The following MSH3 variants were observed in gnomAD, a reference collection of about 807,000 sequenced individuals.
MSH3 encodes the protein mutS homolog 3, also known as DNA mismatch repair protein Msh3.
A neutral mutation model predicts 123.3 loss-of-function variants in MSH3; 106 were observed. The observed-to-expected ratio is 0.86, with a 90% confidence interval of 0.73 to 1.01. MSH3 has a LOEUF of 1.01. Ranked by LOEUF, MSH3 falls within the 50% of genes least tolerant of loss-of-function variation. MSH3 has a pLI of 0.00. For synonymous variants in MSH3, 515 were observed against 481.4 expected (o/e 1.07, Z -0.91); for missense variants, 1,459 against 1,347.6 (o/e 1.08, Z -1.29).
chr5:80,788,513 A>G (rs567764558), intron 18 of MSH3, among the ~76,000 whole-genome samples: 18 of 152,066 alleles, frequency 1.2e-4, no homozygotes, highest in African/African-American at 4.3e-4. Flanking sequence ...TTTTATATAT[A>G]CTTAAGAAAA....
intron 20 of MSH3, among the ~76,000 whole-genome samples, chr5:80,831,464 A>G (rs535497736): frequency 1.3e-5 from 2 of 152,124 alleles, no homozygotes; most frequent in Non-Finnish European, 2.9e-5. Flanking sequence ...GTTATTGTTT[A>G]TGTTTAATTA....
intron 20 of MSH3, among the ~76,000 whole-genome samples, chr5:80,832,819 C>A (rs1745443047): frequency 6.6e-6 from 1 of 151,868 alleles, no homozygotes; most frequent in Non-Finnish European, 1.5e-5. Context: ...CTCTACTTAA[C>A]AATTTTAATA....
Position 80,792,856 on chromosome 5 carries a change from A to T in MSH3, c.2655+12A>T. 6.6e-7 allele frequency: 1 copy of T among 1,519,640 alleles called. No homozygotes were observed. The highest frequency in any genetic ancestry group is 9.1e-7 in the Non-Finnish European group (1 of 1,095,056). 94.1% of individuals were successfully genotyped at this position (1,519,640 alleles called of 1,614,324 possible). A position where few individuals can be genotyped will look rare whatever the true frequency, so the allele number is the denominator to read the frequency against. Reference sequence around the variant, plus strand: ...ATACAGATTTATCAGTAAGTACCTTATGCCAAAAAATAAGTCGATGATAAC... The same window carrying T: ...ATACAGATTTATCAGTAAGTACCTTTTGCCAAAAAATAAGTCGATGATAAC... On this transcript the variant is annotated intron_variant, in intron 19 of 23. Transcript: ENST00000265081.
intron 8 of MSH3, among the ~76,000 whole-genome samples, chr5:80,702,953 A>G (rs1750645431): frequency 6.6e-6 from 1 of 152,166 alleles, no homozygotes. Flanking sequence ...CTGAGGTGGC[A>G]GTGAGCCGAG....
intron 3 of MSH3, 134 bp from the exon 4 acceptor site, chr5:80,669,963 T>C: frequency 1.2e-6 from 1 of 810,336 alleles, no homozygotes; most frequent in Non-Finnish European, 2.0e-6. Context: ...GCCGGAATGC[T>C]ACAATGTGCT....
At chr5:80,808,061 T>C (rs245392) in intron 19 of MSH3, among the ~76,000 whole-genome samples, 37,492 of 152,150 alleles carry the variant, frequency 0.25, 4,896 homozygotes, top group Non-Finnish European at 0.29. Context: ...AAAGGGTTTT[T>C]ACATCTTTTA....
intron 8 of MSH3, among the ~76,000 whole-genome samples, chr5:80,721,832 A>ATACATTTAT (rs1194086946): frequency 9.2e-5 from 14 of 152,184 alleles, no homozygotes; most frequent in African/African-American, 3.1e-4. Context: ...TGATAAAATG[A>ATACATTTAT]TACATTTATT....
At chr5:80,869,025 C>T (rs1746153462) in intron 22 of MSH3, among the ~76,000 whole-genome samples, 1 of 152,068 alleles carries the variant, frequency 6.6e-6, no homozygotes, top group African/African-American at 2.4e-5. Context: ...TGGATGGCTT[C>T]TATAATACTC....
At chr5:80,862,080 G>A (rs1212164605) in intron 21 of MSH3, among the ~76,000 whole-genome samples, 1 of 152,036 alleles carries the variant, frequency 6.6e-6, no homozygotes, top group East Asian at 1.9e-4. Context: ...GAGCAATAAG[G>A]GAGGTCATGT....
Position 80,705,901 on chromosome 5 carries a change from A to C in MSH3, c.1341-19552A>C, listed in dbSNP as rs146079428. ...CTGCAAAGACCCTATCTTCAAATAA[A>C]GTCACATTATATACTGAGGGTGTGG... is the stretch of plus-strand genomic sequence containing the variant. On this transcript the variant is annotated intron_variant, in intron 8 of 23. Transcript: ENST00000265081. Among the ~76,000 whole-genome samples the C allele has an allele frequency of 3.3e-3, 498 of 152,322 alleles. 5 individuals are homozygous for C. Among genetic ancestry groups the C allele is most frequent in the African/African-American group, 0.011 (478 of 41,578 alleles).
chr5:80,800,271 T>G lies in MSH3; in HGVS notation c.2655+7427T>G, dbSNP rs570801405. ...CATTAATTAATTCATTCATCCCCCT[T>G]TAGTTTCTTGAGAACTTGCTCTGTG... On this transcript the variant is annotated intron_variant, in intron 19 of 23. Transcript: ENST00000265081. Among the ~76,000 whole-genome samples, 222 of 152,342 alleles carry G rather than the reference T, an allele frequency of 1.5e-3. 1 individual carries two copies. The highest frequency in any genetic ancestry group is 5.2e-3 in the African/African-American group (216 of 41,584).
At chr5:80,723,683 G>T (rs1751135131) in intron 8 of MSH3, among the ~76,000 whole-genome samples, 1 of 152,110 alleles carries the variant, frequency 6.6e-6, no homozygotes, top group Admixed American at 6.5e-5. Context: ...TGAAAAGCAT[G>T]AAATGATACA....
chr5:80,739,773 G>T (rs769501774), intron 10 of MSH3, among the ~76,000 whole-genome samples: 9 of 152,206 alleles, frequency 5.9e-5, no homozygotes, highest in Non-Finnish European at 1.0e-4. Context: ...TTCCTAATTT[G>T]AGGTAAAGTA....
intron 18 of MSH3, among the ~76,000 whole-genome samples, chr5:80,790,181 T>C (rs1349925216): frequency 6.6e-6 from 1 of 152,202 alleles, no homozygotes; most frequent in East Asian, 1.9e-4. Flanking sequence ...TATAGGATTG[T>C]TCATTGCATC....
At chr5:80,695,530 C>T (rs1051351977) in intron 8 of MSH3, among the ~76,000 whole-genome samples, 2 of 152,046 alleles carry the variant, frequency 1.3e-5, no homozygotes, top group Non-Finnish European at 2.9e-5. Context: ...GATGGGGTTT[C>T]GCCATGTTGG....
At chr5:80,839,903 T>A (rs1161146376) in intron 20 of MSH3, among the ~76,000 whole-genome samples, 2 of 152,126 alleles carry the variant, frequency 1.3e-5, no homozygotes, top group African/African-American at 2.4e-5. Context: ...CCAGCCCTAC[T>A]CACTAGAGGC....
At position 80,802,863 on chromosome 5, in the gene MSH3, T is replaced by G. The variant is rs566282712; in HGVS notation, c.2655+10019T>G. On this transcript the variant is annotated intron_variant, in intron 19 of 23. Transcript: ENST00000265081. ...GGCTGGCTTATTTCACTTAACATAATATCCTCCAGTTCCATCCATGTTGTT... is the reference window on the plus strand; with the variant it reads ...GGCTGGCTTATTTCACTTAACATAAGATCCTCCAGTTCCATCCATGTTGTT... Among the ~76,000 whole-genome samples, 4 of 152,324 alleles carry G rather than the reference T, an allele frequency of 2.6e-5. No homozygotes were observed. The South Asian group carries it at 8.3e-4, about 32-fold the overall frequency.
At position 80,692,716 on chromosome 5, in the gene MSH3, TTATA is replaced by T. The variant is rs545457059; in HGVS notation, c.1340+13626_1340+13629del. Among the ~76,000 whole-genome samples, 415 of 131,726 alleles carry T rather than the reference TTATA, an allele frequency of 3.2e-3. 4 individuals are homozygous for T. The highest frequency in any genetic ancestry group is 4.6e-3 in the African/African-American group (164 of 35,870). 86.4% of individuals were successfully genotyped at this position (131,726 alleles called of 152,430 possible). On this transcript the variant is annotated intron_variant, in intron 8 of 23. Transcript: ENST00000265081. ...TAAATATACATACACATGTATATGT[TTATA>T]TAGATAAATATACATACACATGTAT... is the stretch of plus-strand genomic sequence containing the variant.
At chr5:80,769,112 T>C in intron 15 of MSH3, 109 bp downstream of exon 15, 1 of 974,028 alleles carries the variant, frequency 1.0e-6, no homozygotes, top group Non-Finnish European at 1.5e-6. Context: ...TTTTCAAATT[T>C]TCTGTTTTAT....
Sources: allele counts gnomAD v4.1 joint callset (sites outside exome capture counted in the v4.1 genomes callset), GRCh38; gene constraint gnomAD v4.1.1; transcripts MANE v1.5; gene names NCBI Gene and HGNC (gene_info 2026-07-23, HGNC 2026-07-21).